The following KDM6A variants were observed in gnomAD, a reference collection of about 807,000 sequenced individuals.
KDM6A encodes lysine demethylase 6A.
Under a neutral mutation model 117.6 loss-of-function variants are expected in KDM6A, and 11 were observed. That is an observed-to-expected ratio of 0.09 (90% CI 0.06 to 0.15). The LOEUF is 0.15. KDM6A is among the 10% of genes least tolerant of loss of function. The probability of loss-of-function intolerance (pLI) is 1.00; values close to 1 mark genes in which losing one functional copy is unlikely to be tolerated. For synonymous variants in KDM6A, 384 were observed against 396.1 expected (o/e 0.97, Z 0.36); for missense variants, 799 against 1,077.3 (o/e 0.74, Z 3.62).
chrX:44,980,922 T>G (rs1347295926), intron 4 of KDM6A, among the ~76,000 whole-genome samples: 1 of 109,765 alleles, frequency 9.1e-6, no homozygotes, highest in Non-Finnish European at 1.9e-5. Flanking sequence ...GTAGGGTTTT[T>G]GTAGACTAAT....
intron 4 of KDM6A, among the ~76,000 whole-genome samples, chrX:44,991,146 G>A (rs1177535539): frequency 4.5e-5 from 5 of 111,541 alleles, no homozygotes; most frequent in Non-Finnish European, 9.4e-5. Flanking sequence ...TATACCTATA[G>A]TTAGGTCCTT....
intron 2 of KDM6A, among the ~76,000 whole-genome samples, chrX:44,929,190 A>G (rs765850744): frequency 2.3e-4 from 25 of 110,015 alleles, no homozygotes; most frequent in Non-Finnish European, 4.2e-4. Context: ...TTGGCCTCCC[A>G]AAGTGCTGGG....
chrX:44,986,463 T>C (rs2040233595), intron 4 of KDM6A, among the ~76,000 whole-genome samples: 1 of 111,509 alleles, frequency 9.0e-6, no homozygotes, highest in African/African-American at 3.3e-5. Flanking sequence ...CTTTTGAATG[T>C]GTTTGCTCTT....
chrX:44,943,357 A>G (rs1218672980), intron 2 of KDM6A, among the ~76,000 whole-genome samples: 1 of 102,807 alleles, frequency 9.7e-6, no homozygotes, highest in Non-Finnish European at 1.9e-5. Context: ...TTATTGCTAA[A>G]AAAAGTGTCA....
chrX:45,062,349 C>T (rs1479846173), intron 15 of KDM6A, among the ~76,000 whole-genome samples: 3 of 112,314 alleles, frequency 2.7e-5, no homozygotes, highest in African/African-American at 6.5e-5. Context: ...TATTTTTAAG[C>T]TTCAAGAGTT....
chrX:44,981,661 CT>C (rs2039915804), intron 4 of KDM6A, among the ~76,000 whole-genome samples: 1 of 111,845 alleles, frequency 8.9e-6, no homozygotes, highest in Non-Finnish European at 1.9e-5. Context: ...ATGCTTTGCT[CT>C]TTGCTGTGAC....
chrX:44,888,821 T>C (rs1292327933), intron 2 of KDM6A, among the ~76,000 whole-genome samples: 6 of 111,631 alleles, frequency 5.4e-5, no homozygotes, highest in East Asian at 5.6e-4. Flanking sequence ...TCCTGCTTGC[T>C]AGAACTCATG....
At chrX:45,101,144 A>C (rs907089491) in intron 27 of KDM6A, among the ~76,000 whole-genome samples, 1 of 111,450 alleles carries the variant, frequency 9.0e-6, no homozygotes, top group Admixed American at 9.5e-5. Context: ...TTAATATCCC[A>C]GTAAGATATT....
chrX:45,007,279 A>G lies in KDM6A; in HGVS notation c.385-3682A>G, dbSNP rs187114666. Among the ~76,000 whole-genome samples, 70 of 112,230 alleles carry G rather than the reference A, an allele frequency of 6.2e-4. No individual in the cohort carries two copies. The East Asian group carries it at 0.016, about 25-fold the overall frequency. On this transcript the variant is annotated intron_variant, in intron 4 of 29. Coordinates refer to ENST00000611820, the MANE Select transcript of KDM6A (RefSeq NM_001291415.2). ...TCAGTCCTCTCATCAAACAAGGGCA[A>G]TGTTTTGAGAGTTTTCATGGGAAAT...
intron 5 of KDM6A, among the ~76,000 whole-genome samples, chrX:45,018,617 T>C (rs984212695): frequency 5.4e-5 from 6 of 112,060 alleles, no homozygotes; most frequent in African/African-American, 1.6e-4. Flanking sequence ...GTAGGAAATA[T>C]TGCACCTGAG....
chrX:45,062,811 T>C (rs1297428715), intron 16 of KDM6A, 63 bp downstream of exon 16: 4 of 712,628 alleles, frequency 5.6e-6, no homozygotes, highest in Non-Finnish European at 8.9e-6. Flanking sequence ...TTGACTCTAA[T>C]GTCATTTTAG....
At chrX:44,979,239 T>C (rs1288001411) in intron 4 of KDM6A, among the ~76,000 whole-genome samples, 3 of 112,093 alleles carry the variant, frequency 2.7e-5, no homozygotes, top group African/African-American at 9.7e-5. Context: ...TGTCAGTCTT[T>C]TTAACTTTAG....
At chrX:44,967,962 G>A (rs2039118892) in intron 3 of KDM6A, among the ~76,000 whole-genome samples, 1 of 112,551 alleles carries the variant, frequency 8.9e-6, no homozygotes, top group East Asian at 2.8e-4. Context: ...TAATTGGATA[G>A]GGGATTGTGG....
intron 2 of KDM6A, among the ~76,000 whole-genome samples, chrX:44,883,361 G>C (rs757019193): frequency 9.1e-6 from 1 of 110,088 alleles, no homozygotes; most frequent in African/African-American, 3.3e-5. Flanking sequence ...GTGAGCCACT[G>C]TGCTGGCTGG....
intron 28 of KDM6A, among the ~76,000 whole-genome samples, chrX:45,109,180 TA>T (rs201347477): frequency 0.044 from 4,380 of 100,126 alleles, 84 homozygotes; most frequent in Middle Eastern, 0.092. Context: ...AAAGTACCTG[TA>T]AAAAAAAAAA....
At chrX:45,087,081 C>T (rs755006149) in intron 25 of KDM6A, among the ~76,000 whole-genome samples, 1 of 112,925 alleles carries the variant, frequency 8.9e-6, no homozygotes, top group Non-Finnish European at 1.9e-5. Context: ...GCCTCCGCCT[C>T]CCAGGTTCAA....
intron 3 of KDM6A, among the ~76,000 whole-genome samples, chrX:44,972,908 G>A (rs746926963): frequency 9.1e-6 from 1 of 109,873 alleles, no homozygotes; most frequent in Non-Finnish European, 1.9e-5. Context: ...GGTGGCACGC[G>A]CCTGTAATCC....
chrX:45,098,277 A>G (rs1370414196), intron 27 of KDM6A, among the ~76,000 whole-genome samples: 1 of 112,473 alleles, frequency 8.9e-6, no homozygotes, highest in Non-Finnish European at 1.9e-5. Context: ...TCAAATTTGC[A>G]TGTTGGATCA....
At chrX:45,091,324 T>G (rs1228816384) in intron 27 of KDM6A, among the ~76,000 whole-genome samples, 2 of 111,854 alleles carry the variant, frequency 1.8e-5, no homozygotes, top group Non-Finnish European at 3.8e-5. Flanking sequence ...TTAAAAAAAT[T>G]TAGTATAAGT....
Sources: gnomAD v4.1 joint callset for allele counts (sites outside exome capture counted in the v4.1 genomes callset) on GRCh38, gnomAD v4.1.1 for gene constraint, MANE v1.5 for transcripts, NCBI Gene and HGNC (gene_info 2026-07-23, HGNC 2026-07-21) for gene names.